Variants in WWOX observed in about 807,000 individuals in gnomAD.
WWOX encodes the protein WW domain-containing oxidoreductase.
Under a neutral mutation model 46.2 loss-of-function variants are expected in WWOX, and 69 were observed. That is an observed-to-expected ratio of 1.49 (90% CI 1.23 to 1.82). The LOEUF (loss-of-function observed/expected upper bound fraction) is 1.82, where lower values mean the gene tolerates loss of function less well. Among genes scored for constraint, WWOX ranks in the 40% most tolerant of loss-of-function variants. The probability of loss-of-function intolerance (pLI) is 0.00; values close to 1 mark genes in which losing one functional copy is unlikely to be tolerated. For synonymous variants in WWOX, 359 were observed against 202.6 expected (o/e 1.77, Z -6.56); for missense variants, 919 against 542.6 (o/e 1.69, Z -6.89).
chr16:78,362,902 G>A (rs1057415089), intron 5 of WWOX, among the ~76,000 whole-genome samples: 11 of 152,298 alleles, frequency 7.2e-5, no homozygotes, highest in African/African-American at 2.6e-4. Flanking sequence ...AGGAGGTGGT[G>A]GTGTCAGAAT....
At chr16:78,165,254 C>T (rs985026291) in intron 5 of WWOX, among the ~76,000 whole-genome samples, 1 of 152,216 alleles carries the variant, frequency 6.6e-6, no homozygotes, top group Admixed American at 6.5e-5. Flanking sequence ...TGCATTCATT[C>T]ACTTTTCATT....
intron 8 of WWOX, among the ~76,000 whole-genome samples, chr16:78,817,750 T>G (rs893675099): frequency 1.3e-5 from 2 of 152,128 alleles, no homozygotes; most frequent in African/African-American, 4.8e-5. Flanking sequence ...TCCCAGCCCT[T>G]TCTCTTCCCC....
chr16:78,867,408 ACT>A (rs1306192715), intron 8 of WWOX, among the ~76,000 whole-genome samples: 2 of 151,774 alleles, frequency 1.3e-5, no homozygotes, highest in Non-Finnish European at 2.9e-5. Flanking sequence ...TCAACTGGTG[ACT>A]CTTCATAATC....
intron 6 of WWOX, among the ~76,000 whole-genome samples, chr16:78,392,312 T>A (rs1567545273): frequency 6.6e-6 from 1 of 152,082 alleles, no homozygotes; most frequent in Non-Finnish European, 1.5e-5. Context: ...GCATGCTCCT[T>A]ACGAAAATCT....
rs141010326 is a variant in WWOX at position 78,795,537 on chromosome 16, A to G, written c.1056+362785A>G. ...CTTAGTCCACTGCTGAGTCTTCCCA[A>G]TTCTGAAAAAAAGGATTCAGGGTAT... On this transcript the variant is annotated intron_variant, in intron 8 of 8. Coordinates refer to ENST00000566780, the MANE Select transcript of WWOX (RefSeq NM_016373.4). Among the ~76,000 whole-genome samples, 160 of 152,310 alleles carry G rather than the reference A, an allele frequency of 1.1e-3. 1 individual carries two copies. The highest frequency in any genetic ancestry group is 3.6e-3 in the African/African-American group (149 of 41,566).
intron 6 of WWOX, among the ~76,000 whole-genome samples, chr16:78,393,871 C>A (rs550586843): frequency 6.6e-6 from 1 of 151,664 alleles, no homozygotes; most frequent in Non-Finnish European, 1.5e-5. Context: ...GTTAAAATAA[C>A]GGTTTTGTAT....
intron 8 of WWOX, among the ~76,000 whole-genome samples, chr16:78,900,015 G>C (rs1418406347): frequency 1.3e-5 from 2 of 149,424 alleles, no homozygotes; most frequent in Admixed American, 1.3e-4. Flanking sequence ...TTCCCTCCTT[G>C]GGCTACCAAA....
intron 8 of WWOX, among the ~76,000 whole-genome samples, chr16:78,715,888 A>G (rs1279647162): frequency 6.6e-6 from 1 of 152,160 alleles, no homozygotes; most frequent in East Asian, 1.9e-4. Context: ...AGCTGCAAGG[A>G]ATGCTGGGAT....
At chr16:78,211,558 G>A (rs2036560524) in intron 5 of WWOX, among the ~76,000 whole-genome samples, 1 of 151,610 alleles carries the variant, frequency 6.6e-6, no homozygotes, top group Admixed American at 6.6e-5. Flanking sequence ...TGTTGCTCCT[G>A]CTGCTGCTGC....
chr16:78,302,079 G>T (rs2080051709), intron 5 of WWOX, among the ~76,000 whole-genome samples: 2 of 151,834 alleles, frequency 1.3e-5, no homozygotes, highest in African/African-American at 4.8e-5. Flanking sequence ...TCCTGCCTCA[G>T]CCTCTCTAGC....
intron 3 of WWOX, 23 bp downstream of exon 3, chr16:78,109,858 C>G (rs576414843): frequency 2.5e-6 from 4 of 1,613,974 alleles, no homozygotes; most frequent in Admixed American, 1.7e-5. Flanking sequence ...AAAGAAACCA[C>G]TCTCAGCTGT....
intron 8 of WWOX, among the ~76,000 whole-genome samples, chr16:78,606,011 A>G (rs190191923): frequency 1.9e-4 from 29 of 152,280 alleles, no homozygotes; most frequent in African/African-American, 6.7e-4. Context: ...TCGAATGCCT[A>G]TTGTCAAAAT....
intron 5 of WWOX, among the ~76,000 whole-genome samples, chr16:78,345,639 CAAAAAAAAAA>C (rs1193432164): frequency 4.0e-5 from 1 of 25,014 alleles, no homozygotes; most frequent in Non-Finnish European, 9.6e-5. Context: ...GACCCTGTCT[CAAAAAAAAAA>C]AAAAAAAAAA....
chr16:78,592,952 C>G (rs1597318782), intron 8 of WWOX, among the ~76,000 whole-genome samples: 1 of 152,328 alleles, frequency 6.6e-6, no homozygotes, highest in African/African-American at 2.4e-5. Context: ...CCACCCAACA[C>G]TACTGCTTCT....
intron 8 of WWOX, among the ~76,000 whole-genome samples, chr16:78,940,168 G>T (rs1162129900): frequency 6.6e-6 from 1 of 152,132 alleles, no homozygotes; most frequent in Admixed American, 6.5e-5. Context: ...AATGTATGCA[G>T]ATTCTTAAAG....
At chr16:78,556,105 G>C (rs909910409) in intron 8 of WWOX, among the ~76,000 whole-genome samples, 1 of 152,012 alleles carries the variant, frequency 6.6e-6, no homozygotes, top group Non-Finnish European at 1.5e-5. Context: ...TAGGTACCTA[G>C]AGGGTCAATT....
intron 8 of WWOX, among the ~76,000 whole-genome samples, chr16:78,855,838 G>A (rs2052553482): frequency 6.6e-6 from 1 of 152,214 alleles, no homozygotes; most frequent in South Asian, 2.1e-4. Context: ...GGGTCTGTCA[G>A]ATTCTGTGTG....
chr16:78,657,483 C>T (rs896053858), intron 8 of WWOX, among the ~76,000 whole-genome samples: 42 of 152,298 alleles, frequency 2.8e-4, no homozygotes, highest in African/African-American at 9.6e-4. Flanking sequence ...CACTACGATG[C>T]ATGCTGGGGT....
rs552802291 is a variant in WWOX, at chr16:78,810,456, A to G, written c.1056+377704A>G. On this transcript the variant is annotated intron_variant, in intron 8 of 8. Transcript: ENST00000566780. ...TATCAAATATTACATGTCAACTCAG[A>G]AAACATCCCTAGGAAGTATTATGGG... 7.2e-5 allele frequency among the ~76,000 whole-genome samples: 11 copies of G among 152,326 alleles called. No individual in the cohort carries two copies. The East Asian group carries it at 2.1e-3, about 29-fold the overall frequency.
Sources: allele counts gnomAD v4.1 joint callset (sites outside exome capture counted in the v4.1 genomes callset), GRCh38; gene constraint gnomAD v4.1.1; transcripts MANE v1.5; gene names NCBI Gene and HGNC (gene_info 2026-07-23, HGNC 2026-07-21).